TCTN3: variants seen among roughly 807,000 people sequenced by gnomAD.
The protein encoded by TCTN3 is tectonic family member 3.
A neutral mutation model predicts 71.3 loss-of-function variants in TCTN3; 57 were observed. The observed-to-expected ratio is 0.80, with a 90% CI of 0.65 to 1.00. The LOEUF is 1.00. TCTN3 is among the 50% of genes least tolerant of loss of function. TCTN3 has a pLI of 0.00. For missense variants in TCTN3, 696 were observed against 719.9 expected, an observed-to-expected ratio of 0.97 and a Z score of 0.38; for synonymous variants, 258 against 267.8, an observed-to-expected ratio of 0.96 and a Z score of 0.36.
chr10:95,680,649 TG>T (rs1237569290), intron 12 of TCTN3, 40 bp from the exon 13 acceptor site: 2 of 1,601,418 alleles, frequency 1.2e-6, no homozygotes, highest in Non-Finnish European at 1.7e-6. Flanking sequence ...AATTGCCTGA[TG>T]GTTGCCTATA....
At chr10:95,677,474 G>GTT (rs10654251) in intron 13 of TCTN3, among the ~76,000 whole-genome samples, 27,667 of 80,898 alleles carry the variant, frequency 0.34, 3,929 homozygotes, top group Middle Eastern at 0.44. Flanking sequence ...GAAGTCTACA[G>GTT]TTTTTTTTGT....
intron 13 of TCTN3, among the ~76,000 whole-genome samples, chr10:95,678,362 T>C (rs531428296): frequency 1.3e-5 from 2 of 151,920 alleles, no homozygotes; most frequent in Non-Finnish European, 2.9e-5. Context: ...TGAAACTCCG[T>C]CTTTACTAAA....
chr10:95,693,506 A>T (rs911143138), intron 1 of TCTN3, 30 bp from the exon 2 acceptor site: 2 of 1,551,892 alleles, frequency 1.3e-6, no homozygotes, highest in African/African-American at 2.7e-5. Flanking sequence ...AGTGAGTGGG[A>T]TGAAGATCCC....
At chr10:95,674,870 T>C (rs887431592) in intron 13 of TCTN3, among the ~76,000 whole-genome samples, 1 of 152,070 alleles carries the variant, frequency 6.6e-6, no homozygotes, top group African/African-American at 2.4e-5. Context: ...AAGTGTGTTG[T>C]AAATGTCCAT....
At chr10:95,686,427 T>G in intron 7 of TCTN3, 68 bp downstream of exon 7, 1 of 1,514,264 alleles carries the variant, frequency 6.6e-7, no homozygotes, top group Non-Finnish European at 9.2e-7. Context: ...CAACTTAGAC[T>G]AAAATTGCCT....
At chr10:95,675,175 C>T (rs1044663316) in intron 13 of TCTN3, among the ~76,000 whole-genome samples, 7 of 152,318 alleles carry the variant, frequency 4.6e-5, no homozygotes, top group African/African-American at 1.7e-4. Context: ...TCACTGCAAC[C>T]TCCGCCTCTC....
In TCTN3 at chr10:95,682,742, G is replaced by A. The variant is rs1462507553; in HGVS notation, c.1361C>T (p.Pro454Leu). ...AAAGATGGCAACATACTCTGGTCTG[G>A]GCCTTCCATGAAGAGTCTGATAAAT... ...QEIYQTLHGR[P>L]RPEYVAIFGN... Residue 454 changes from proline to leucine, a missense_variant, in exon 12 of 14, where the codon CCC becomes CTC. Physicochemically the swap from Pro to Leu is moderately conservative, Grantham distance 98. Transcript: ENST00000371217. The A allele has an allele frequency of 1.2e-6, 2 of 1,614,100 alleles. No homozygotes were observed. Among genetic ancestry groups the A allele is most frequent in the Non-Finnish European group, 1.7e-6 (2 of 1,180,024 alleles).
chr10:95,679,888 C>T (rs574107436), intron 13 of TCTN3, among the ~76,000 whole-genome samples: 2 of 152,286 alleles, frequency 1.3e-5, no homozygotes, highest in African/African-American at 4.8e-5. Flanking sequence ...CCGCGCCCGG[C>T]CGTCATTTCT....
At chr10:95,664,500 C>T (rs974841055) in intron 13 of TCTN3, among the ~76,000 whole-genome samples, 200 bp from the exon 14 acceptor site, 4 of 152,202 alleles carry the variant, frequency 2.6e-5, no homozygotes, top group African/African-American at 9.6e-5. Context: ...TCAATGATAG[C>T]AGAACTGAAC....
Position 95,684,633 on chromosome 10 carries a change from C to CA in TCTN3, c.970-10dup. 2 of 1,610,294 alleles carry CA rather than the reference C, an allele frequency of 1.2e-6. No individual in the cohort carries two copies. Among genetic ancestry groups the CA allele is most frequent in the Non-Finnish European group, 1.7e-6 (2 of 1,178,552 alleles). ...TCTATCTCATAGGTGACCTGAAATG[C>CA]AAAAAGAATCAATTAATAAAAAGTA... is the stretch of plus-strand genomic sequence containing the variant. On this transcript the variant is annotated splice_polypyrimidine_tract_variant and intron_variant, in intron 8 of 13. Coordinates refer to ENST00000371217, the MANE Select transcript of TCTN3 (RefSeq NM_015631.6).
At chr10:95,683,432 C>A (rs753114294) in intron 10 of TCTN3, 90 bp downstream of exon 10, 2 of 1,602,538 alleles carry the variant, frequency 1.2e-6, no homozygotes, top group African/African-American at 2.7e-5. Flanking sequence ...CAAAAAATTC[C>A]TCACCTTTGG....
rs141290501 is a variant in TCTN3 at position 95,663,637 on chromosome 10, G to A, written c.*430C>T. Reference sequence around the variant, plus strand: ...AGCCAGCAGTTTTCTGTTCCAAACAGTTAGCTCCTCTACAGTCCAGAGGGA... The same window carrying A: ...AGCCAGCAGTTTTCTGTTCCAAACAATTAGCTCCTCTACAGTCCAGAGGGA... On this transcript the variant is annotated 3_prime_UTR_variant, in exon 14 of 14. Transcript: ENST00000371217. 157 of 162,624 alleles carry A rather than the reference G, an allele frequency of 9.7e-4. No homozygotes were observed. Among genetic ancestry groups the A allele is most frequent in the Non-Finnish European group, 1.7e-3 (127 of 73,736 alleles). 10.1% of individuals were successfully genotyped at this position (162,624 alleles called of 1,614,324 possible).
intron 3 of TCTN3, among the ~76,000 whole-genome samples, chr10:95,688,415 A>AAAAAAAAAAAG (rs2097950679): frequency 1.6e-5 from 2 of 124,032 alleles, no homozygotes; most frequent in African/African-American, 3.1e-5. Context: ...AAAAAAAAAA[A>AAAAAAAAAAAG]AAAGAAAAAA....
Position 95,664,282 on chromosome 10 carries a change from C to G in TCTN3, c.1609G>C (p.Glu537Gln). Reference sequence around the variant, plus strand: ...TTCACAAGAGTTGTCAAAGATACTTCTGTAACTTGCTGAGAATCCTACGGG... The same window carrying G: ...TTCACAAGAGTTGTCAAAGATACTTGTGTAACTTGCTGAGAATCCTACGGG... ...QSIQDSQQVTEVSLTTLVNFV... is the reference protein window; with the variant it reads ...QSIQDSQQVTQVSLTTLVNFV... Residue 537 changes from glutamate (E) to glutamine (Q), a missense_variant, in exon 14 of 14, where the codon GAA becomes CAA. Transcript: ENST00000371217. The G allele has an allele frequency of 6.2e-7, 1 of 1,613,950 alleles. No individual in the cohort carries two copies. Among genetic ancestry groups the G allele is most frequent in the Middle Eastern group, 1.6e-4 (1 of 6,062 alleles).
intron 13 of TCTN3, among the ~76,000 whole-genome samples, chr10:95,675,137 T>C (rs1180866292): frequency 6.6e-6 from 1 of 152,216 alleles, no homozygotes; most frequent in East Asian, 1.9e-4. Flanking sequence ...CTTTTACCCA[T>C]GTTGGAGTTC....
chr10:95,685,439 G>T, intron 8 of TCTN3, 117 bp downstream of exon 8: 1 of 719,200 alleles, frequency 1.4e-6, no homozygotes, highest in Middle Eastern at 2.4e-4. Flanking sequence ...TCCCAACATT[G>T]TTAGAGAATG....
chr10:95,691,191 CAG>C (rs1389720032), intron 3 of TCTN3, among the ~76,000 whole-genome samples: 1 of 152,188 alleles, frequency 6.6e-6, no homozygotes, highest in Non-Finnish European at 1.5e-5. Context: ...TTTTTTGAGA[CAG>C]ACTCTCGTTC....
At position 95,664,174 on chromosome 10, in the gene TCTN3, A is replaced by G. The variant is rs2097923943; in HGVS notation, c.1717T>C (p.Phe573Leu). The G allele has an allele frequency of 8.7e-6, 14 of 1,614,192 alleles. No homozygotes were observed. The highest frequency in any genetic ancestry group is 1.1e-5 in the Non-Finnish European group (13 of 1,180,042). Residue 573 changes from phenylalanine (F) to leucine (L), a missense_variant, in exon 14 of 14, where the codon TTC (phenylalanine) becomes CTC (leucine). Coordinates refer to ENST00000371217, the MANE Select transcript of TCTN3 (RefSeq NM_015631.6). ...ACTCCTCTGCTGAATGCCACTTTGA[A>G]GGGAAAGAAGTCGAATGGCCATTTC... ...DWKWPFDFFP[F>L]KVAFSRGVFS...
chr10:95,677,520 TTTA>T (rs796945479), intron 13 of TCTN3, among the ~76,000 whole-genome samples: 16 of 150,898 alleles, frequency 1.1e-4, no homozygotes, highest in African/African-American at 3.9e-4. Flanking sequence ...TTCCCTCTAT[TTTA>T]TTGTTTGTCC....
Sources: gnomAD v4.1 joint callset for allele counts (sites outside exome capture counted in the v4.1 genomes callset) on GRCh38, gnomAD v4.1.1 for gene constraint, MANE v1.5 for transcripts, NCBI Gene and HGNC (gene_info 2026-07-23, HGNC 2026-07-21) for gene names.